Variants in RBMS3 observed in about 807,000 individuals in gnomAD.
RBMS3 encodes RNA binding motif single stranded interacting protein 3.
Under a neutral mutation model 66.8 loss-of-function variants are expected in RBMS3, and 27 were observed. That is an observed-to-expected ratio of 0.40 (90% confidence interval 0.30 to 0.56). The LOEUF is 0.56. Among genes scored for constraint, RBMS3 ranks in the 20% least tolerant of loss-of-function variants. The pLI is 0.40. For synonymous variants in RBMS3, 188 were observed against 183.0 expected (o/e 1.03, Z -0.22); for missense variants, 513 against 549.5 (o/e 0.93, Z 0.66).
Position 30,007,594 on chromosome 3 carries a change from C to G in RBMS3, c.*3732C>G, listed in dbSNP as rs984361242. The G allele has an allele frequency of 2.6e-5, 4 of 151,968 alleles. No homozygotes were observed. Among genetic ancestry groups the G allele is most frequent in the African/African-American group, 9.7e-5 (4 of 41,396 alleles). The allele number at this position is 151,968 out of a possible 1,614,324, so 9.4% of individuals were successfully genotyped here. ...GTGTTCATGGTAACTTGGAGCTCCCCAATACATGGCCATGTCTTCTAAAGA... is the reference window on the plus strand; with the variant it reads ...GTGTTCATGGTAACTTGGAGCTCCCGAATACATGGCCATGTCTTCTAAAGA... On this transcript the variant is annotated 3_prime_UTR_variant, in exon 15 of 15. Transcript: ENST00000383767.
chr3:29,704,198 C>A (rs2052766604), intron 4 of RBMS3, among the ~76,000 whole-genome samples: 1 of 152,060 alleles, frequency 6.6e-6, no homozygotes, highest in Non-Finnish European at 1.5e-5. Flanking sequence ...TTGAATCATC[C>A]CAAAACCATC....
intron 14 of RBMS3, among the ~76,000 whole-genome samples, chr3:29,992,137 C>A (rs960326927): frequency 6.6e-6 from 1 of 152,010 alleles, no homozygotes; most frequent in Non-Finnish European, 1.5e-5. Flanking sequence ...ATAGAGAATC[C>A]CCCGACAATC....
At chr3:29,728,774 A>G (rs1178675101) in intron 4 of RBMS3, among the ~76,000 whole-genome samples, 2 of 151,262 alleles carry the variant, frequency 1.3e-5, no homozygotes, top group African/African-American at 4.9e-5. Context: ...GACTGACAGA[A>G]TTTTAATGTA....
At chr3:29,576,135 C>T (rs529451771) in intron 3 of RBMS3, among the ~76,000 whole-genome samples, 50 of 152,170 alleles carry the variant, frequency 3.3e-4, no homozygotes, top group African/African-American at 7.2e-4. Flanking sequence ...CTTGTTTGTG[C>T]CCATCCTTCT....
chr3:29,411,317 A>G (rs1222730840), intron 1 of RBMS3, among the ~76,000 whole-genome samples: 1 of 152,204 alleles, frequency 6.6e-6, no homozygotes, highest in African/African-American at 2.4e-5. Context: ...AGAAGCATAC[A>G]ATAACTTGTA....
At chr3:29,912,853 G>A (rs1294811557) in intron 10 of RBMS3, among the ~76,000 whole-genome samples, 3 of 152,100 alleles carry the variant, frequency 2.0e-5, no homozygotes, top group African/African-American at 7.2e-5. Context: ...CTGATTTATA[G>A]TTTCACCTAG....
At chr3:29,726,177 C>G (rs919486594) in intron 4 of RBMS3, among the ~76,000 whole-genome samples, 1 of 152,152 alleles carries the variant, frequency 6.6e-6, no homozygotes, top group Admixed American at 6.5e-5. Flanking sequence ...GCTAAAAACT[C>G]TCAATATACT....
At chr3:29,522,441 G>A (rs559741207) in intron 3 of RBMS3, among the ~76,000 whole-genome samples, 4 of 152,174 alleles carry the variant, frequency 2.6e-5, no homozygotes, top group East Asian at 1.9e-4. Flanking sequence ...TGATCGGCCC[G>A]CCTTTGCCTC....
At chr3:29,369,249 A>G (rs537062019) in intron 1 of RBMS3, among the ~76,000 whole-genome samples, 1 of 152,148 alleles carries the variant, frequency 6.6e-6, no homozygotes, top group East Asian at 1.9e-4. Context: ...TAATCTTACA[A>G]CCAACCCCCA....
intron 3 of RBMS3, among the ~76,000 whole-genome samples, chr3:29,550,617 T>C (rs1212992716): frequency 1.3e-5 from 2 of 152,138 alleles, no homozygotes; most frequent in Non-Finnish European, 1.5e-5. Context: ...TACAGTATTA[T>C]AGTGTAATAG....
rs567859421 is a variant in RBMS3, at chr3:29,601,405, G to T, written c.399+14200G>T. ...ATTTAGTAAGCTGTTAGGTTCTAAAGGATGTCTAAGATAATGAATAACATT... is the reference window on the plus strand; with the variant it reads ...ATTTAGTAAGCTGTTAGGTTCTAAATGATGTCTAAGATAATGAATAACATT... On this transcript the variant is annotated intron_variant, in intron 4 of 14. Coordinates refer to ENST00000383767, the MANE Select transcript of RBMS3 (RefSeq NM_001003793.3). Among the ~76,000 whole-genome samples the T allele has an allele frequency of 2.6e-5, 4 of 152,038 alleles. No homozygotes were observed. In the South Asian group the frequency reaches 6.2e-4, roughly 24 times the overall value.
chr3:29,616,500 C>G (rs935969462), intron 4 of RBMS3: 4 of 157,710 alleles, frequency 2.5e-5, no homozygotes, highest in Admixed American at 1.3e-4. Context: ...AACAAACAAA[C>G]AAACAAACAA....
chr3:29,866,855 G>A (rs74814273), intron 6 of RBMS3, among the ~76,000 whole-genome samples: 1,982 of 152,268 alleles, frequency 0.013, 25 homozygotes, highest in Non-Finnish European at 0.022. Context: ...GAAGTCAGAG[G>A]CTCATCAGAG....
chr3:29,802,948 G>A (rs4600785), intron 6 of RBMS3, among the ~76,000 whole-genome samples: 21 of 151,958 alleles, frequency 1.4e-4, no homozygotes, highest in African/African-American at 3.9e-4. Flanking sequence ...ACTCTTGATC[G>A]AGGTGAGGGA....
At chr3:29,679,974 G>A (rs1256104731) in intron 4 of RBMS3, among the ~76,000 whole-genome samples, 1 of 152,056 alleles carries the variant, frequency 6.6e-6, no homozygotes, top group African/African-American at 2.4e-5. Flanking sequence ...CATATTTCAT[G>A]TGAATTTGAT....
chr3:29,849,729 G>A (rs1315532864), intron 6 of RBMS3, among the ~76,000 whole-genome samples: 5 of 152,268 alleles, frequency 3.3e-5, no homozygotes, highest in African/African-American at 7.2e-5. Context: ...TTGATTTGCA[G>A]AAATATTTTA....
intron 3 of RBMS3, among the ~76,000 whole-genome samples, chr3:29,517,719 G>A (rs1017424814): frequency 6.6e-6 from 1 of 152,090 alleles, no homozygotes; most frequent in African/African-American, 2.4e-5. Flanking sequence ...GGGGAATACT[G>A]GGTTTTTGTT....
chr3:29,842,927 T>C (rs1474000461), intron 6 of RBMS3, among the ~76,000 whole-genome samples: 1 of 152,214 alleles, frequency 6.6e-6, no homozygotes, highest in Non-Finnish European at 1.5e-5. Flanking sequence ...GATATTTTAA[T>C]TTCAGAATTC....
At chr3:29,874,030 G>A (rs1486756045) in intron 7 of RBMS3, among the ~76,000 whole-genome samples, 1 of 152,134 alleles carries the variant, frequency 6.6e-6, no homozygotes, top group Non-Finnish European at 1.5e-5. Flanking sequence ...TCTTAGAAGT[G>A]AGGGACAGAA....
Sources: allele counts gnomAD v4.1 joint callset (sites outside exome capture counted in the v4.1 genomes callset), GRCh38; gene constraint gnomAD v4.1.1; transcripts MANE v1.5; gene names NCBI Gene and HGNC (gene_info 2026-07-23, HGNC 2026-07-21).